The following SPC25 variants were observed in gnomAD, a reference collection of about 807,000 sequenced individuals.
SPC25 encodes the protein kinetochore protein Spc25.
In SPC25, 22 loss-of-function variants were observed where a neutral mutation model predicts 29.6. That is an observed-to-expected ratio of 0.74 (90% confidence interval 0.53 to 1.06). The LOEUF (loss-of-function observed/expected upper bound fraction) is 1.06. SPC25 is among the 50% of genes least tolerant of loss of function. The pLI is 0.00. For missense variants in SPC25, 230 were observed against 255.8 expected, an observed-to-expected ratio of 0.90 and a Z score of 0.69; for synonymous variants, 91 against 90.4, an observed-to-expected ratio of 1.01 and a Z score of -0.04.
intron 6 of SPC25, among the ~76,000 whole-genome samples, chr2:168,872,295 G>A (rs1457097782): frequency 6.6e-6 from 1 of 152,154 alleles, no homozygotes. Flanking sequence ...TCAATGCCCA[G>A]CCTTAATAAC....
intron 3 of SPC25, among the ~76,000 whole-genome samples, chr2:168,887,421 C>CAAAAAAAAAAAAAAA (rs5836211): frequency 7.6e-6 from 1 of 131,420 alleles, no homozygotes; most frequent in Non-Finnish European, 1.6e-5. Flanking sequence ...GACTCCATCT[C>CAAAAAAAAAAAAAAA]AAAAAAAAAA....
At chr2:168,881,576 G>T (rs572691906) in intron 3 of SPC25, among the ~76,000 whole-genome samples, 1 of 152,350 alleles carries the variant, frequency 6.6e-6, no homozygotes, top group South Asian at 2.1e-4. Flanking sequence ...AGAGCCAGTA[G>T]AGCTCAAGTG....
intron 4 of SPC25, among the ~76,000 whole-genome samples, 175 bp from the exon 5 acceptor site, chr2:168,876,351 G>T (rs1372881669): frequency 1.3e-5 from 2 of 152,032 alleles, no homozygotes; most frequent in African/African-American, 4.8e-5. Context: ...GTTCATTCAA[G>T]TTGGAAGGAA....
In SPC25 at chr2:168,883,732, A is replaced by G. The variant is rs149016125; in HGVS notation, c.199+5494T>C. Among the ~76,000 whole-genome samples, 542 of 152,224 alleles carry G rather than the reference A, an allele frequency of 3.6e-3. 3 individuals are homozygous for G. Among genetic ancestry groups the G allele is most frequent in the African/African-American group, 0.012 (500 of 41,530 alleles). Reference sequence around the variant, plus strand: ...TGAAGAACTGTGTGATTTGTGGCCAATACAAATATAGGAGTCCTCGATGCT... The same window carrying G: ...TGAAGAACTGTGTGATTTGTGGCCAGTACAAATATAGGAGTCCTCGATGCT... On this transcript the variant is annotated intron_variant, in intron 3 of 6. Transcript: ENST00000282074.
At chr2:168,879,990 C>G (rs1559155562) in intron 3 of SPC25, among the ~76,000 whole-genome samples, 1 of 152,206 alleles carries the variant, frequency 6.6e-6, no homozygotes, top group African/African-American at 2.4e-5. Flanking sequence ...GCTATACACA[C>G]ATGTGCTGTC....
chr2:168,878,202 A>G (rs974325158), intron 3 of SPC25, among the ~76,000 whole-genome samples: 3 of 152,252 alleles, frequency 2.0e-5, no homozygotes, highest in African/African-American at 7.2e-5. Context: ...CCACAACTAT[A>G]TAAACTAATC....
intron 4 of SPC25, among the ~76,000 whole-genome samples, chr2:168,861,602 C>T (rs1280809967): frequency 6.6e-6 from 1 of 152,072 alleles, no homozygotes; most frequent in African/African-American, 2.4e-5. Flanking sequence ...ATGATGATAA[C>T]ATGCACATGC....
chr2:168,870,834 T>G (rs1308331671), downstream of SPC25: 45 of 148,322 alleles, frequency 3.0e-4, no homozygotes, highest in African/African-American at 1.1e-3. Flanking sequence ...AAATACCATT[T>G]GACCCAGCCC....
At chr2:168,883,741 T>C (rs943578561) in intron 3 of SPC25, among the ~76,000 whole-genome samples, 12 of 151,996 alleles carry the variant, frequency 7.9e-5, no homozygotes, top group Non-Finnish European at 1.2e-4. Flanking sequence ...AATACAAATA[T>C]AGGAGTCCTC....
At chr2:168,876,318 C>A in intron 4 of SPC25, 142 bp from the exon 5 acceptor site, 1 of 609,576 alleles carries the variant, frequency 1.6e-6, no homozygotes, top group Non-Finnish European at 2.7e-6. Context: ...TCTATATCTA[C>A]CAGTTGGCTA....
At chr2:168,864,510 C>T (rs1455225347) in intron 4 of SPC25, among the ~76,000 whole-genome samples, 1 of 150,758 alleles carries the variant, frequency 6.6e-6, no homozygotes, top group Non-Finnish European at 1.5e-5. Context: ...GGTCTCGAAA[C>T]TCCTGACCTT....
Position 168,871,482 on chromosome 2 carries a change from T to G in SPC25, c.624A>C (p.Ser208=). 1 of 1,611,512 alleles carries G rather than the reference T, an allele frequency of 6.2e-7. No homozygotes were observed. The highest frequency in any genetic ancestry group is 8.5e-7 in the Non-Finnish European group (1 of 1,178,912). The change falls in exon 7 of 7, where the codon TCA becomes TCC. Residue 208 remains serine, a synonymous_variant. Transcript: ENST00000282074. ...QENVRKTNNF[S]AFLANVRKAF... ...CTTTCCGAACATTGGCAAGAAAAGC[T>G]GAAAAATTGTTGGTCTTCCTTACAT...
At chr2:168,876,978 C>T (rs1193177121) in intron 4 of SPC25, among the ~76,000 whole-genome samples, 3 of 152,114 alleles carry the variant, frequency 2.0e-5, no homozygotes, top group Non-Finnish European at 4.4e-5. Flanking sequence ...TCTCACTCTG[C>T]TTAATTAAAA....
chr2:168,877,454 G>T, intron 3 of SPC25, 70 bp from the exon 4 acceptor site: 2 of 1,521,596 alleles, frequency 1.3e-6, no homozygotes, highest in South Asian at 2.4e-5. Context: ...AAAGGCCAAA[G>T]TTTACTGACT....
chr2:168,867,093 A>G (rs1397881921), downstream of SPC25, among the ~76,000 whole-genome samples: 1 of 152,164 alleles, frequency 6.6e-6, no homozygotes, highest in African/African-American at 2.4e-5. Flanking sequence ...TAGAACTAGA[A>G]ATACCATTTG....
At chr2:168,866,330 A>C (rs1313642075), downstream of SPC25, among the ~76,000 whole-genome samples, 2 of 152,306 alleles carry the variant, frequency 1.3e-5, no homozygotes, top group Non-Finnish European at 2.9e-5. Context: ...CCGCATATCT[A>C]CAACTATCTG....
At chr2:168,876,698 C>T (rs1161894808) in intron 4 of SPC25, among the ~76,000 whole-genome samples, 1 of 150,226 alleles carries the variant, frequency 6.7e-6, no homozygotes, top group Non-Finnish European at 1.5e-5. Flanking sequence ...ACAATTTAGA[C>T]TTGGATAAGA....
rs1160376953 is a variant in SPC25 at position 168,871,461 on chromosome 2, C to T, written c.645G>A (p.Arg215=). ...NNFSAFLANV[R]KAFTATVYN is the part of the protein sequence containing the mutation. Reference sequence around the variant, plus strand: ...TATAAACCGTGGCAGTAAAAGCTTTCCGAACATTGGCAAGAAAAGCTGAAA... The same window carrying T: ...TATAAACCGTGGCAGTAAAAGCTTTTCGAACATTGGCAAGAAAAGCTGAAA... Residue 215 remains arginine, a synonymous_variant, in exon 7 of 7, where the codon CGG becomes CGA. Transcript: ENST00000282074. 1 of 1,609,734 alleles carries T rather than the reference C, an allele frequency of 6.2e-7. No homozygotes were observed. Among genetic ancestry groups the T allele is most frequent in the Non-Finnish European group, 8.5e-7 (1 of 1,178,372 alleles).
At chr2:168,866,160 G>T (rs898954820), downstream of SPC25, among the ~76,000 whole-genome samples, 15 of 152,302 alleles carry the variant, frequency 9.8e-5, no homozygotes, top group African/African-American at 3.6e-4. Flanking sequence ...AGCCCACATT[G>T]CCAAGTCAAT....
Sources: allele counts gnomAD v4.1 joint callset (sites outside exome capture counted in the v4.1 genomes callset), GRCh38; gene constraint gnomAD v4.1.1; transcripts MANE v1.5; gene names NCBI Gene and HGNC (gene_info 2026-07-23, HGNC 2026-07-21).